Variants in UBE3C observed in about 807,000 individuals in gnomAD.
UBE3C encodes ubiquitin protein ligase E3C.
Under a neutral mutation model 129.4 loss-of-function variants are expected in UBE3C, and 42 were observed. The observed-to-expected ratio is 0.32, with a 90% CI of 0.25 to 0.42. UBE3C has a LOEUF of 0.42. Among genes scored for constraint, UBE3C ranks in the 10% least tolerant of loss-of-function variants. The pLI is 1.00. For missense variants in UBE3C, 1,049 were observed against 1,319.1 expected (o/e 0.80, Z 3.17); for synonymous variants, 510 against 492.4 (o/e 1.04, Z -0.47).
chr7:157,189,180 G>A (rs1808887293), intron 10 of UBE3C: 2 of 388,812 alleles, frequency 5.1e-6, no homozygotes, highest in Non-Finnish European at 9.1e-6. Context: ...GAGGAAGCTG[G>A]GGCTGGAGCA....
In UBE3C at chr7:157,225,537, A is replaced by G. The variant is rs763977122; in HGVS notation, c.2231A>G (p.Asn744Ser). The G allele has an allele frequency of 7.6e-6, 12 of 1,581,898 alleles. No individual in the cohort carries two copies. The highest frequency in any genetic ancestry group is 1.0e-5 in the Non-Finnish European group (12 of 1,170,908). ...EDAYDKLSPE[N>S]EPDLKKRIRV... is the part of the protein sequence containing the mutation. The stretch of plus-strand genomic sequence containing the variant: ...GCTTATGACAAACTTTCTCCAGAAA[A>G]TGGTATATATAATTCTTTCTGTGTA... The change falls in exon 17 of 23, where the codon AAT becomes AGT. Residue 744 changes from asparagine to serine, a missense_variant and splice_region_variant. Around this residue, in one of 4 missense-constraint regions of UBE3C, gnomAD observed 314 missense variants for 416.9 expected, o/e 0.75. Coordinates refer to ENST00000348165, the MANE Select transcript of UBE3C (RefSeq NM_014671.3).
In UBE3C at chr7:157,220,730, G is replaced by A. The variant is rs1346297613; in HGVS notation, c.1956G>A (p.Arg652=). 5.0e-6 allele frequency: 8 copies of A among 1,614,084 alleles called. No homozygotes were observed. The Admixed American group carries it at 1.2e-4, about 24-fold the overall frequency. The part of the protein sequence containing the change: ...LYVPASRHVW[R]FRRMGRIGPL... ...TGCCAGCATCCAGACATGTGTGGAG[G>A]TTCCGGCGGATGGGGAGGATAGGCC... The change falls in exon 15 of 23, where the codon AGG becomes AGA. Residue 652 remains arginine, a synonymous_variant. Coordinates refer to ENST00000348165, the MANE Select transcript of UBE3C (RefSeq NM_014671.3).
intron 11 of UBE3C, among the ~76,000 whole-genome samples, chr7:157,203,699 C>T (rs1586685930): frequency 6.6e-6 from 1 of 152,272 alleles, no homozygotes; most frequent in East Asian, 1.9e-4. Flanking sequence ...GGTAGTTTTA[C>T]AAATCTTATT....
chr7:157,148,577 C>A (rs924761033), intron 1 of UBE3C, among the ~76,000 whole-genome samples: 2 of 152,092 alleles, frequency 1.3e-5, no homozygotes, highest in Admixed American at 6.6e-5. Flanking sequence ...AATATTTTAA[C>A]TTAAAATGTT....
chr7:157,149,378 A>G (rs555074180), intron 1 of UBE3C, among the ~76,000 whole-genome samples: 3 of 152,248 alleles, frequency 2.0e-5, no homozygotes, highest in Admixed American at 1.3e-4. Context: ...GATTTTTAAA[A>G]ATAGAAACCA....
chr7:157,200,905 C>T (rs1313855433), intron 10 of UBE3C, among the ~76,000 whole-genome samples: 3 of 152,212 alleles, frequency 2.0e-5, no homozygotes, highest in Admixed American at 6.5e-5. Flanking sequence ...CATGAGCCAC[C>T]GTGCCTGGCC....
chr7:157,195,418 G>A (rs766312755), intron 10 of UBE3C, among the ~76,000 whole-genome samples: 3 of 152,190 alleles, frequency 2.0e-5, no homozygotes, highest in African/African-American at 7.2e-5. Flanking sequence ...AAGTAAAGAT[G>A]ATTGAGACAG....
In UBE3C at chr7:157,207,383, T is replaced by C; in HGVS notation, c.1419-15T>C. On this transcript the variant is annotated splice_polypyrimidine_tract_variant and intron_variant, in intron 11 of 22. Coordinates refer to ENST00000348165, the MANE Select transcript of UBE3C (RefSeq NM_014671.3). The stretch of plus-strand genomic sequence containing the variant: ...TTAAAGTGACTGGTTTTTTTCTTCT[T>C]TTCTTTAATTCAAGGTCTATGGTAC... The C allele has an allele frequency of 6.3e-7, 1 of 1,592,270 alleles. No homozygotes were observed. The highest frequency in any genetic ancestry group is 1.9e-5 in the Admixed American group (1 of 52,540).
chr7:157,233,959 T>G (rs1039714737), intron 18 of UBE3C, among the ~76,000 whole-genome samples: 9 of 152,248 alleles, frequency 5.9e-5, no homozygotes, highest in Non-Finnish European at 1.2e-4. Flanking sequence ...GTTGACCATC[T>G]TTTCATGTGC....
In UBE3C at chr7:157,191,889, C is replaced by G. The variant is rs573524304; in HGVS notation, c.1331+4868C>G. 3.9e-5 allele frequency among the ~76,000 whole-genome samples: 6 copies of G among 152,114 alleles called. No homozygotes were observed. In the South Asian group the frequency reaches 6.2e-4, roughly 16 times the overall value. ...GCCTGGAGAGAGAAGTAAATTTTGTCTATAATTTCATAGCTGCTTTTATTA... is the reference window on the plus strand; with the variant it reads ...GCCTGGAGAGAGAAGTAAATTTTGTGTATAATTTCATAGCTGCTTTTATTA... On this transcript the variant is annotated intron_variant, in intron 10 of 22. Transcript: ENST00000348165.
At chr7:157,187,828 G>A (rs989980549) in intron 10 of UBE3C, among the ~76,000 whole-genome samples, 11 of 151,948 alleles carry the variant, frequency 7.2e-5, no homozygotes, top group South Asian at 2.1e-4. Context: ...CGCCTGCCTC[G>A]GCCTCCCAAA....
chr7:157,186,857 A>G lies in UBE3C; in HGVS notation c.1167A>G (p.Ser389=). ...SSPEDGRLSV[S]YITEECLKKL... ...AGGAGGATGGCAGACTGTCAGTATC[A>G]TACATAACAGAGGAATGCCTGAAGA... is the stretch of plus-strand genomic sequence containing the variant. The change falls in exon 10 of 23, where the codon TCA becomes TCG. Residue 389 remains serine (S), a synonymous_variant. Coordinates refer to ENST00000348165, the MANE Select transcript of UBE3C (RefSeq NM_014671.3). 1.9e-6 allele frequency: 3 copies of G among 1,614,240 alleles called. No homozygotes were observed. The highest frequency in any genetic ancestry group is 2.5e-6 in the Non-Finnish European group (3 of 1,180,042).
rs184557066 is a variant in UBE3C at position 157,256,020 on chromosome 7, G to A, written c.2951-894G>A. Among the ~76,000 whole-genome samples, 5 of 152,312 alleles carry A rather than the reference G, an allele frequency of 3.3e-5. No individual in the cohort carries two copies. In the South Asian group the frequency reaches 6.2e-4, roughly 19 times the overall value. On this transcript the variant is annotated intron_variant, in intron 21 of 22. Transcript: ENST00000348165. ...GCCACGTGCAAGCCCCTTCTCTGCCGTCTGTTCAGCGGCGGCTTTGAACTG... is the reference window on the plus strand; with the variant it reads ...GCCACGTGCAAGCCCCTTCTCTGCCATCTGTTCAGCGGCGGCTTTGAACTG...
intron 1 of UBE3C, among the ~76,000 whole-genome samples, chr7:157,152,963 AG>A (rs1174739022): frequency 1.3e-5 from 2 of 152,254 alleles, no homozygotes; most frequent in East Asian, 3.9e-4. Flanking sequence ...TGGGAGGCTG[AG>A]GGGGGTGGAT....
chr7:157,226,455 C>A (rs1298160325), intron 17 of UBE3C, among the ~76,000 whole-genome samples: 2 of 152,130 alleles, frequency 1.3e-5, no homozygotes, highest in African/African-American at 4.8e-5. Flanking sequence ...CCATGTTGGT[C>A]AATGCCGAGG....
chr7:157,209,471 A>G (rs960810418), intron 13 of UBE3C, among the ~76,000 whole-genome samples: 7 of 152,232 alleles, frequency 4.6e-5, no homozygotes, highest in African/African-American at 1.7e-4. Context: ...AAAGATTGAC[A>G]AATTTGCAAT....
chr7:157,251,997 G>C (rs1563075475), intron 19 of UBE3C, among the ~76,000 whole-genome samples: 1 of 152,088 alleles, frequency 6.6e-6, no homozygotes, highest in African/African-American at 2.4e-5. Context: ...TGAGCCGGGC[G>C]TGGTGATGTG....
rs189683142 is a variant in UBE3C, at chr7:157,256,671, T to C, written c.2951-243T>C. 1.4e-3 allele frequency: 593 copies of C among 423,036 alleles called. 6 individuals are homozygous for C. Among genetic ancestry groups the C allele is most frequent in the African/African-American group, 0.011 (548 of 49,834 alleles). The allele number at this position is 423,036 out of a possible 1,614,324, so 26.2% of individuals were successfully genotyped here. A position where few individuals can be genotyped will look rare whatever the true frequency, so the allele number is the denominator to read the frequency against. ...GGTTGTGTCTGCACTGAATGTGTGCTAAGCAATATAGTGTCACAGCCATTT... is the reference window on the plus strand; with the variant it reads ...GGTTGTGTCTGCACTGAATGTGTGCCAAGCAATATAGTGTCACAGCCATTT... On this transcript the variant is annotated intron_variant, in intron 21 of 22. Transcript: ENST00000348165.
At position 157,170,300 on chromosome 7, in the gene UBE3C, C is replaced by G. The variant is rs769898699; in HGVS notation, c.196-4C>G. On this transcript the variant is annotated splice_polypyrimidine_tract_variant and splice_region_variant and intron_variant, in intron 3 of 22. Transcript: ENST00000348165. ...TGGGTCATTTTGTTTTGTTTTTCTT[C>G]CAGTATTCCATCCAAAGAAGTGCAT... 3 of 1,480,952 alleles carry G rather than the reference C, an allele frequency of 2.0e-6. No homozygotes were observed. The East Asian group carries it at 7.7e-5, about 38-fold the overall frequency. 91.7% of individuals were successfully genotyped at this position (1,480,952 alleles called of 1,614,324 possible).
Sources: gnomAD v4.1 joint callset for allele counts (sites outside exome capture counted in the v4.1 genomes callset) on GRCh38, gnomAD v4.1.1 for gene constraint, gnomAD v4.1.1 regional missense constraint, MANE v1.5 for transcripts, NCBI Gene and HGNC (gene_info 2026-07-23, HGNC 2026-07-21) for gene names.